The following SCN2A variants were observed in gnomAD, a reference collection of about 807,000 sequenced individuals.
The protein encoded by SCN2A is sodium voltage-gated channel alpha subunit 2, also known as sodium channel protein type 2 subunit alpha.
Under a neutral mutation model 188.7 loss-of-function variants are expected in SCN2A, and 20 were observed. The ratio of observed to expected loss-of-function variants is 0.11; its 90% CI spans 0.07 to 0.15. SCN2A has a LOEUF of 0.15. SCN2A is among the 10% of genes least tolerant of loss of function. SCN2A has a pLI of 1.00. For synonymous variants in SCN2A, 804 were observed against 833.1 expected (o/e 0.97, Z 0.60); for missense variants, 1,278 against 2,445.0 (o/e 0.52, Z 10.07).
chr2:165,257,941 AGT>A (rs1178855939), intron 1 of SCN2A, among the ~76,000 whole-genome samples: 1 of 152,038 alleles, frequency 6.6e-6, no homozygotes, highest in Non-Finnish European at 1.5e-5. Context: ...TCACTTGAAA[AGT>A]GTCTGCTCAC....
chr2:165,258,720 T>A (rs1694439650), intron 1 of SCN2A, among the ~76,000 whole-genome samples: 1 of 152,194 alleles, frequency 6.6e-6, no homozygotes. Context: ...AAAGAAGATG[T>A]GATACATATA....
chr2:165,356,937 A>C (rs1700210662), intron 17 of SCN2A, among the ~76,000 whole-genome samples: 1 of 152,348 alleles, frequency 6.6e-6, no homozygotes, highest in Non-Finnish European at 1.5e-5. Context: ...TCAGTATTTC[A>C]GAATTGGAGG....
At position 165,389,697 on chromosome 2, in the gene SCN2A, A is replaced by G; in HGVS notation, c.5891A>G (p.Asp1964Gly). Residue 1964 changes from aspartate (D) to glycine (G), a missense_variant, in exon 27 of 27, where the codon GAT becomes GGT. Physicochemically the swap from Asp to Gly is moderately conservative, Grantham distance 94. Around this residue, in one of 17 missense-constraint regions of SCN2A, gnomAD observed 109 missense variants for 137.9 expected, o/e 0.79. Coordinates refer to ENST00000375437, the MANE Select transcript of SCN2A (RefSeq NM_001040142.2). The surrounding 1 kb of genome is among the most constrained non-coding windows in gnomAD (Gnocchi z 4.2). ...GAGAATTCAACTCCAGAGAAAACCG[A>G]TATGACGCCTTCCACCACGTCTCCA... ...LNENSTPEKT[D>G]MTPSTTSPPS... 6.2e-7 allele frequency: 1 copy of G among 1,613,928 alleles called. No homozygotes were observed. Among genetic ancestry groups the G allele is most frequent in the African/African-American group, 1.3e-5 (1 of 75,004 alleles).
At chr2:165,370,338 A>G (rs2105365473) in intron 20 of SCN2A, 39 bp downstream of exon 20, 1 of 1,604,406 alleles carries the variant, frequency 6.2e-7, no homozygotes, top group East Asian at 2.2e-5. Context: ...TCATTGGCAT[A>G]TATGTAATAG....
At chr2:165,347,813 G>A (rs1699680930) in intron 16 of SCN2A, among the ~76,000 whole-genome samples, 1 of 152,144 alleles carries the variant, frequency 6.6e-6, no homozygotes, top group African/African-American at 2.4e-5. Flanking sequence ...TAGGAAGGTT[G>A]ATCAGGGAAG....
intron 3 of SCN2A, 61 bp downstream of exon 3, chr2:165,297,196 C>T: frequency 1.0e-6 from 1 of 991,774 alleles, no homozygotes; most frequent in Non-Finnish European, 1.6e-6. Flanking sequence ...TATTGAGCTA[C>T]ACATTTTCCA....
chr2:165,307,578 A>G (rs187177436), intron 3 of SCN2A, among the ~76,000 whole-genome samples: 2 of 152,258 alleles, frequency 1.3e-5, no homozygotes, highest in Non-Finnish European at 2.9e-5. Context: ...TAAATTATTC[A>G]CTGATGAACT....
chr2:165,294,928 G>A (rs1696425286), intron 1 of SCN2A, among the ~76,000 whole-genome samples: 1 of 152,202 alleles, frequency 6.6e-6, no homozygotes, highest in Non-Finnish European at 1.5e-5. Context: ...CACTAAGACT[G>A]TGATGCTACG....
chr2:165,369,175 C>T (rs919592874), intron 19 of SCN2A, among the ~76,000 whole-genome samples: 1 of 152,144 alleles, frequency 6.6e-6, no homozygotes, highest in African/African-American at 2.4e-5. Flanking sequence ...GAGATCTGCC[C>T]GTCTTGGCCT....
chr2:165,367,706 C>G (rs575018575), intron 19 of SCN2A, among the ~76,000 whole-genome samples: 5 of 152,284 alleles, frequency 3.3e-5, no homozygotes, highest in African/African-American at 1.2e-4. Context: ...GACTGAAGCA[C>G]GATATTTCCC....
intron 17 of SCN2A, among the ~76,000 whole-genome samples, 192 bp from the exon 18 acceptor site, chr2:165,364,951 A>G (rs936215319): frequency 2.0e-5 from 3 of 152,128 alleles, no homozygotes; most frequent in Non-Finnish European, 4.4e-5. Context: ...TAAAGAAAAA[A>G]AATACTATGG....
intron 1 of SCN2A, among the ~76,000 whole-genome samples, chr2:165,249,377 C>T (rs1693995168): frequency 6.6e-6 from 1 of 152,116 alleles, no homozygotes; most frequent in Non-Finnish European, 1.5e-5. Flanking sequence ...GTTATTTTGT[C>T]CAGGACTTAA....
intron 1 of SCN2A, among the ~76,000 whole-genome samples, chr2:165,289,326 T>C (rs1695993691): frequency 6.6e-6 from 1 of 152,048 alleles, no homozygotes; most frequent in Non-Finnish European, 1.5e-5. Flanking sequence ...AAAAATATAT[T>C]CCTCTTGTAT....
intron 17 of SCN2A, among the ~76,000 whole-genome samples, chr2:165,362,932 T>C (rs1305395068): frequency 3.3e-5 from 5 of 152,098 alleles, no homozygotes; most frequent in African/African-American, 7.2e-5. Context: ...GGAATCATGA[T>C]TGTTGCAAAA....
intron 17 of SCN2A, among the ~76,000 whole-genome samples, chr2:165,363,496 G>A (rs1443079821): frequency 2.0e-5 from 3 of 151,990 alleles, no homozygotes; most frequent in Admixed American, 6.6e-5. Flanking sequence ...GTATTATCAG[G>A]TCCCTAATAG....
intron 7 of SCN2A, among the ~76,000 whole-genome samples, chr2:165,311,527 G>C (rs1047737137): frequency 2.0e-5 from 3 of 152,048 alleles, no homozygotes; most frequent in Non-Finnish European, 4.4e-5. Flanking sequence ...AGTATCATAA[G>C]AGGGAATAAA....
At chr2:165,301,842 T>C (rs1696825903) in intron 3 of SCN2A, among the ~76,000 whole-genome samples, 1 of 152,216 alleles carries the variant, frequency 6.6e-6, no homozygotes, top group African/African-American at 2.4e-5. Context: ...AACAATGTGG[T>C]CAGTTCTGTC....
chr2:165,321,509 G>A (rs1327438709), intron 11 of SCN2A, among the ~76,000 whole-genome samples: 2 of 152,150 alleles, frequency 1.3e-5, no homozygotes, highest in African/African-American at 4.8e-5. Context: ...CTGAGACTGG[G>A]CAATTTACCA....
intron 13 of SCN2A, among the ~76,000 whole-genome samples, chr2:165,328,898 G>T (rs1159421296): frequency 6.7e-6 from 1 of 149,714 alleles, no homozygotes; most frequent in Non-Finnish European, 1.5e-5. Flanking sequence ...TTATTCAATT[G>T]TATGTAGACA....
Sources: allele counts gnomAD v4.1 joint callset (sites outside exome capture counted in the v4.1 genomes callset), GRCh38; gene constraint gnomAD v4.1.1; regional missense constraint gnomAD v4.1.1; non-coding constraint Gnocchi (gnomAD v3.1); transcripts MANE v1.5; gene names NCBI Gene and HGNC (gene_info 2026-07-23, HGNC 2026-07-21).